The following NAALADL2 variants were observed in gnomAD, a reference collection of about 807,000 sequenced individuals.
The protein encoded by NAALADL2 is N-acetylated alpha-linked acidic dipeptidase like 2, also known as inactive N-acetylated-alpha-linked acidic dipeptidase-like protein 2.
Under a neutral mutation model 87.2 loss-of-function variants are expected in NAALADL2, and 76 were observed. The observed-to-expected ratio is 0.87, with a 90% CI of 0.72 to 1.05. The LOEUF is 1.05. Ranked by LOEUF, NAALADL2 falls within the 50% of genes least tolerant of loss-of-function variation. The pLI, the probability that NAALADL2 is intolerant of heterozygous loss-of-function variation, is 0.00. For synonymous variants in NAALADL2, 354 were observed against 331.0 expected, an observed-to-expected ratio of 1.07 and a Z score of -0.75; for missense variants, 1,089 against 945.8, an observed-to-expected ratio of 1.15 and a Z score of -1.99.
intron 5 of NAALADL2, among the ~76,000 whole-genome samples, chr3:175,339,054 A>G (rs1762320514): frequency 6.6e-6 from 1 of 152,240 alleles, no homozygotes; most frequent in Non-Finnish European, 1.5e-5. Flanking sequence ...GCAATACAGC[A>G]GAACCCTGAA....
At chr3:175,037,254 A>G (rs532472244) in intron 1 of NAALADL2, among the ~76,000 whole-genome samples, 65 of 152,278 alleles carry the variant, frequency 4.3e-4, no homozygotes, top group African/African-American at 1.5e-3. Flanking sequence ...ACTAAGTCAC[A>G]TGAGTATTAG....
intron 11 of NAALADL2, among the ~76,000 whole-genome samples, chr3:175,719,663 A>G (rs559127813): frequency 6.6e-6 from 1 of 152,292 alleles, no homozygotes; most frequent in East Asian, 1.9e-4. Context: ...TTACAATACC[A>G]GTTAGCAACC....
intron 3 of NAALADL2, among the ~76,000 whole-genome samples, chr3:174,742,076 A>G (rs1345701758): frequency 6.6e-6 from 1 of 151,768 alleles, no homozygotes; most frequent in Non-Finnish European, 1.5e-5. Context: ...GTACTGATGT[A>G]AAACTCACTC....
At chr3:174,855,188 G>A (rs1725717403), upstream of NAALADL2, among the ~76,000 whole-genome samples, 1 of 152,016 alleles carries the variant, frequency 6.6e-6, no homozygotes, top group Non-Finnish European at 1.5e-5. Context: ...TTTTATATCA[G>A]CATCAACACA....
chr3:174,894,182 G>C (rs1208225966), intron 1 of NAALADL2, among the ~76,000 whole-genome samples: 1 of 152,018 alleles, frequency 6.6e-6, no homozygotes, highest in Non-Finnish European at 1.5e-5. Flanking sequence ...CACCCAATAT[G>C]GGAGCACCCA....
intron 3 of NAALADL2, among the ~76,000 whole-genome samples, chr3:174,764,748 G>C (rs1474771659): frequency 6.6e-6 from 1 of 152,196 alleles, no homozygotes; most frequent in Admixed American, 6.5e-5. Flanking sequence ...TGGCTACCAG[G>C]TAATTTTTGG....
chr3:174,547,318 T>G (rs1314501759), intron 1 of NAALADL2, among the ~76,000 whole-genome samples: 2 of 152,140 alleles, frequency 1.3e-5, no homozygotes, highest in Non-Finnish European at 2.9e-5. Context: ...GAAGAGGCAG[T>G]TTCTGGGTTG....
At chr3:175,205,644 G>A (rs924378185) in intron 2 of NAALADL2, among the ~76,000 whole-genome samples, 2 of 152,040 alleles carry the variant, frequency 1.3e-5, no homozygotes, top group Non-Finnish European at 2.9e-5. Context: ...GCAACAGTCT[G>A]AAGGTTAAAC....
chr3:174,968,637 G>A lies in NAALADL2; in HGVS notation c.43+109187G>A, dbSNP rs1353148911. Among the ~76,000 whole-genome samples the A allele has an allele frequency of 4.6e-5, 7 of 151,802 alleles. No individual in the cohort carries two copies. In the South Asian group the frequency reaches 6.2e-4, roughly 14 times the overall value. On this transcript the variant is annotated intron_variant, in intron 1 of 13. Coordinates refer to ENST00000454872, the MANE Select transcript of NAALADL2 (RefSeq NM_207015.3). ...TGGGATTACAGGTGCACGCCACCAC[G>A]CCCAGCTAATTTTTGTATTTTTATT... is the stretch of plus-strand genomic sequence containing the variant.
chr3:175,799,423 C>CAT (rs921192124), intron 13 of NAALADL2, among the ~76,000 whole-genome samples: 5 of 151,964 alleles, frequency 3.3e-5, no homozygotes, highest in Admixed American at 2.6e-4. Flanking sequence ...TATATGAATA[C>CAT]ATATATATAT....
intron 1 of NAALADL2, among the ~76,000 whole-genome samples, chr3:174,506,672 C>G (rs1269649841): frequency 6.6e-6 from 1 of 151,940 alleles, no homozygotes; most frequent in Non-Finnish European, 1.5e-5. Context: ...ATTACAAAAT[C>G]CTTGCTAGAA....
chr3:175,552,242 G>A (rs1425228772), intron 9 of NAALADL2, among the ~76,000 whole-genome samples: 1 of 152,152 alleles, frequency 6.6e-6, no homozygotes, highest in East Asian at 1.9e-4. Flanking sequence ...GGAATACAAT[G>A]AGATAAAATG....
At chr3:174,706,116 C>T (rs189721435) in intron 2 of NAALADL2, among the ~76,000 whole-genome samples, 40 of 152,290 alleles carry the variant, frequency 2.6e-4, no homozygotes, top group Admixed American at 2.6e-3. Context: ...AATGTAAACA[C>T]ATGTAAAACA....
At chr3:174,728,801 G>A (rs1250077888) in intron 2 of NAALADL2, among the ~76,000 whole-genome samples, 6 of 152,046 alleles carry the variant, frequency 3.9e-5, no homozygotes, top group Admixed American at 3.9e-4. Context: ...CTGAGAAGCA[G>A]TTATCCTCGA....
At chr3:174,644,896 TTC>T in intron 2 of NAALADL2, among the ~76,000 whole-genome samples, 1 of 152,344 alleles carries the variant, frequency 6.6e-6, no homozygotes, top group East Asian at 1.9e-4. Flanking sequence ...GCTTTAAAAA[TTC>T]TGTTTAAAAA....
intron 1 of NAALADL2, among the ~76,000 whole-genome samples, chr3:174,908,282 C>G (rs780774770): frequency 1.4e-4 from 21 of 151,930 alleles, no homozygotes; most frequent in Non-Finnish European, 2.9e-4. Flanking sequence ...TGTCTTCACA[C>G]CCCCAGGCCT....
chr3:174,701,961 T>C (rs1729593948), intron 2 of NAALADL2, among the ~76,000 whole-genome samples: 1 of 152,192 alleles, frequency 6.6e-6, no homozygotes, highest in Non-Finnish European at 1.5e-5. Context: ...CACATAGGAA[T>C]AGAATGGCTG....
At chr3:174,808,497 G>A (rs746886357) in intron 3 of NAALADL2, among the ~76,000 whole-genome samples, 23 of 152,044 alleles carry the variant, frequency 1.5e-4, no homozygotes, top group Non-Finnish European at 3.4e-4. Context: ...ATATAGCATT[G>A]AATATATATT....
chr3:175,448,626 C>T (rs1449376812), intron 6 of NAALADL2, among the ~76,000 whole-genome samples: 1 of 152,164 alleles, frequency 6.6e-6, no homozygotes, highest in Non-Finnish European at 1.5e-5. Context: ...AAAATAGCTA[C>T]AACTTTATCA....
Sources: gnomAD v4.1 joint callset for allele counts (sites outside exome capture counted in the v4.1 genomes callset) on GRCh38, gnomAD v4.1.1 for gene constraint, MANE v1.5 for transcripts, NCBI Gene and HGNC (gene_info 2026-07-23, HGNC 2026-07-21) for gene names.